DNAH6: variants seen among roughly 807,000 people sequenced by gnomAD.
DNAH6 encodes the protein axonemal beta dynein heavy chain 6.
DNAH6 carries 340 observed loss-of-function variants against 491.4 expected under a neutral mutation model. The observed-to-expected ratio is 0.69, with a 90% CI of 0.63 to 0.76. The LOEUF (loss-of-function observed/expected upper bound fraction) is 0.76, where lower values mean the gene tolerates loss of function less well. Ranked by LOEUF, DNAH6 falls within the 30% of genes least tolerant of loss-of-function variation. The pLI is 0.00. For missense variants in DNAH6, 4,443 were observed against 4,972.2 expected (o/e 0.89, Z 3.20); for synonymous variants, 1,603 against 1,686.1 (o/e 0.95, Z 1.21).
intron 65 of DNAH6, among the ~76,000 whole-genome samples, chr2:84,782,061 A>G (rs147661724): frequency 2.0e-3 from 312 of 152,278 alleles, no homozygotes; most frequent in Non-Finnish European, 3.2e-3. Context: ...ACCACCTTTT[A>G]TCTTCTGTAA....
intron 58 of DNAH6, among the ~76,000 whole-genome samples, chr2:84,715,909 C>G (rs551717440): frequency 3.9e-5 from 6 of 152,208 alleles, no homozygotes; most frequent in Non-Finnish European, 7.4e-5. Context: ...CTGCCTCTTC[C>G]CTTCACTATG....
intron 33 of DNAH6, among the ~76,000 whole-genome samples, chr2:84,642,503 C>A (rs1466731491): frequency 6.6e-6 from 1 of 152,044 alleles, no homozygotes; most frequent in African/African-American, 2.4e-5. Flanking sequence ...AGCCTTTCAC[C>A]AACTCCCACT....
intron 33 of DNAH6, among the ~76,000 whole-genome samples, chr2:84,647,444 C>A (rs1690010063): frequency 6.6e-6 from 1 of 152,074 alleles, no homozygotes; most frequent in South Asian, 2.1e-4. Flanking sequence ...AAAGGAGAAA[C>A]CAACACCTGG....
At chr2:84,684,294 A>AT (rs925463968) in intron 42 of DNAH6, among the ~76,000 whole-genome samples, 9 of 152,210 alleles carry the variant, frequency 5.9e-5, no homozygotes, top group African/African-American at 1.9e-4. Flanking sequence ...CTAGTCATTT[A>AT]TTTTTTATCC....
chr2:84,810,752 ATAGGACAGGTCC>A (rs995634982), intron 72 of DNAH6, among the ~76,000 whole-genome samples: 2 of 152,216 alleles, frequency 1.3e-5, no homozygotes, highest in Non-Finnish European at 2.9e-5. Flanking sequence ...GAACCGTGGG[ATAGGACAGGTCC>A]TAGGAGTGAC....
At chr2:84,592,363 A>AAAT (rs1424846987) in intron 16 of DNAH6, among the ~76,000 whole-genome samples, 2,171 of 152,316 alleles carry the variant, frequency 0.014, 53 homozygotes, top group African/African-American at 0.05. Context: ...ATCAATAATC[A>AAAT]TCAGGAAAAT....
chr2:84,471,617 C>T, the DNAH6 span, among the ~76,000 whole-genome samples: 2 of 152,312 alleles, frequency 1.3e-5, no homozygotes, highest in Non-Finnish European at 2.9e-5. Context: ...TCAACTGGCT[C>T]ATACAGGGGT....
At chr2:84,746,252 C>T (rs753737504) in intron 63 of DNAH6, among the ~76,000 whole-genome samples, 4 of 151,912 alleles carry the variant, frequency 2.6e-5, no homozygotes, top group Non-Finnish European at 5.9e-5. Context: ...TTGTTAGGAT[C>T]GTAGAGGAAT....
intron 15 of DNAH6, 125 bp from the exon 16 acceptor site, chr2:84,588,701 C>A: frequency 2.1e-6 from 2 of 946,286 alleles, no homozygotes; most frequent in Non-Finnish European, 3.0e-6. Context: ...TTTTAAACAT[C>A]ATTTCTAAAA....
intron 10 of DNAH6, among the ~76,000 whole-genome samples, chr2:84,553,354 C>A (rs1014064693): frequency 4.9e-4 from 17 of 34,532 alleles, no homozygotes; most frequent in African/African-American, 2.0e-3. Flanking sequence ...CCTTTCTTTT[C>A]TTTTCTTTTC....
In DNAH6 at chr2:84,604,567, A is replaced by T; in HGVS notation, c.3081+16A>T. The T allele has an allele frequency of 6.6e-7, 1 of 1,525,750 alleles. No individual in the cohort carries two copies. Among genetic ancestry groups the T allele is most frequent in the East Asian group, 2.5e-5 (1 of 40,756 alleles). The allele number at this position is 1,525,750 out of a possible 1,614,324, so 94.5% of individuals were successfully genotyped here. A position where few individuals can be genotyped will look rare whatever the true frequency, so the allele number is the denominator to read the frequency against. On this transcript the variant is annotated intron_variant, in intron 19 of 76. Transcript: ENST00000389394. ...TCTTAAAAAGGTAAATCTGGAATAT[A>T]TATTTATCTATATACCATTAGGGAA...
Position 84,567,921 on chromosome 2 carries a change from AAAG to A in DNAH6, c.1804-5541_1804-5539del, listed in dbSNP as rs1380147863. ...AAAGGACATGAACACACATTTCTCA[AAAG>A]AAGACATTTATGTGGCATATGTATA... On this transcript the variant is annotated intron_variant, in intron 11 of 76. Transcript: ENST00000389394. 9.9e-5 allele frequency among the ~76,000 whole-genome samples: 15 copies of A among 152,282 alleles called. No individual in the cohort carries two copies. In the East Asian group the frequency reaches 2.9e-3, roughly 29 times the overall value.
the DNAH6 span, among the ~76,000 whole-genome samples, chr2:84,469,039 T>C: frequency 6.6e-6 from 1 of 152,202 alleles, no homozygotes; most frequent in Non-Finnish European, 1.5e-5. This position sits in a 1 kb window ranked among gnomAD's most constrained non-coding sequence, Gnocchi z 4.0. Context: ...TGTTTTATCC[T>C]AAAGTACCCC....
intron 10 of DNAH6, among the ~76,000 whole-genome samples, chr2:84,556,155 G>A (rs920772096): frequency 1.3e-5 from 2 of 152,214 alleles, no homozygotes; most frequent in South Asian, 2.1e-4. Context: ...TATATTAACA[G>A]ATAGAAAAAA....
chr2:84,471,722 G>A, the DNAH6 span, among the ~76,000 whole-genome samples: 17 of 152,144 alleles, frequency 1.1e-4, no homozygotes, highest in African/African-American at 3.6e-4. Flanking sequence ...TTCATCTCCT[G>A]CAAAAACACA....
intron 26 of DNAH6, among the ~76,000 whole-genome samples, chr2:84,623,306 A>G (rs372555375): frequency 7.2e-4 from 110 of 152,280 alleles, no homozygotes; most frequent in African/African-American, 2.5e-3. Context: ...TGAAAAGGCA[A>G]TCTGGGGAAT....
At chr2:84,539,139 G>A (rs1388571855) in intron 4 of DNAH6, among the ~76,000 whole-genome samples, 1 of 152,094 alleles carries the variant, frequency 6.6e-6, no homozygotes. Context: ...GAGTCAGCAA[G>A]TGGAAACACT....
intron 58 of DNAH6, among the ~76,000 whole-genome samples, chr2:84,717,891 C>G (rs1697700677): frequency 6.6e-6 from 1 of 152,120 alleles, no homozygotes; most frequent in Non-Finnish European, 1.5e-5. Flanking sequence ...GCGTTAGAGA[C>G]AGAAATTGAA....
At chr2:84,767,235 T>C (rs147022921) in intron 64 of DNAH6, among the ~76,000 whole-genome samples, 32 of 152,256 alleles carry the variant, frequency 2.1e-4, no homozygotes, top group African/African-American at 7.5e-4. Context: ...AATTCTAGAA[T>C]GTAAAAATAT....
Sources: gnomAD v4.1 joint callset for allele counts (sites outside exome capture counted in the v4.1 genomes callset) on GRCh38, gnomAD v4.1.1 for gene constraint, Gnocchi (gnomAD v3.1) non-coding constraint, MANE v1.5 for transcripts, NCBI Gene and HGNC (gene_info 2026-07-23, HGNC 2026-07-21) for gene names.